The following CHCHD6 variants were observed in gnomAD, a reference collection of about 807,000 sequenced individuals.
The protein encoded by CHCHD6 is coiled-coil-helix-coiled-coil-helix domain containing 6.
Under a neutral mutation model 32.3 loss-of-function variants are expected in CHCHD6, and 28 were observed. That is an observed-to-expected ratio of 0.87 (90% CI 0.64 to 1.19). The LOEUF (loss-of-function observed/expected upper bound fraction) is 1.19, where lower values mean the gene tolerates loss of function less well. CHCHD6 is among the 50% of genes most tolerant of loss of function. CHCHD6 has a pLI of 0.00. For synonymous variants in CHCHD6, 122 were observed against 117.5 expected (o/e 1.04, Z -0.25); for missense variants, 333 against 307.0 (o/e 1.08, Z -0.63).
chr3:126,817,532 G>A (rs2107534630), intron 4 of CHCHD6, among the ~76,000 whole-genome samples: 1 of 152,228 alleles, frequency 6.6e-6, no homozygotes, highest in East Asian at 1.9e-4. Context: ...TGTGGCCCTG[G>A]CCTTTGCCTG....
chr3:126,773,609 T>TTC (rs1937583478), intron 4 of CHCHD6, among the ~76,000 whole-genome samples: 1 of 145,702 alleles, frequency 6.9e-6, no homozygotes, highest in African/African-American at 2.5e-5. Context: ...TTTCTTTTTT[T>TTC]TTTTTTTTTT....
chr3:126,858,023 C>T (rs190804066), intron 5 of CHCHD6, among the ~76,000 whole-genome samples: 15 of 152,276 alleles, frequency 9.9e-5, no homozygotes, highest in East Asian at 1.9e-4. Flanking sequence ...GTGTCATTCA[C>T]GATAGCCCTG....
chr3:126,799,757 C>T (rs892749998), intron 4 of CHCHD6, among the ~76,000 whole-genome samples: 1 of 152,124 alleles, frequency 6.6e-6, no homozygotes, highest in Non-Finnish European at 1.5e-5. Flanking sequence ...TCTAACAGAA[C>T]AGCAAAAAGA....
chr3:126,750,958 G>A lies in CHCHD6; in HGVS notation c.411+17736G>A, dbSNP rs574629749. On this transcript the variant is annotated intron_variant, in intron 4 of 7. Coordinates refer to ENST00000290913, the MANE Select transcript of CHCHD6 (RefSeq NM_032343.3). ...GCTGAGCAAGGGCAGTTGGTGCCCC[G>A]TGCTGACCCCAGCACAACATCTTGA... Among the ~76,000 whole-genome samples the A allele has an allele frequency of 2.6e-5, 4 of 152,318 alleles. No individual in the cohort carries two copies. The South Asian group carries it at 6.2e-4, about 24-fold the overall frequency.
At chr3:126,797,902 C>G (rs1044406560) in intron 4 of CHCHD6, among the ~76,000 whole-genome samples, 1 of 152,184 alleles carries the variant, frequency 6.6e-6, no homozygotes, top group Non-Finnish European at 1.5e-5. Flanking sequence ...CAGGGCGCCT[C>G]CGTGCCAGTG....
intron 5 of CHCHD6, among the ~76,000 whole-genome samples, chr3:126,881,818 A>G (rs552963578): frequency 6.6e-6 from 1 of 152,370 alleles, no homozygotes; most frequent in African/African-American, 2.4e-5. Flanking sequence ...CTCTGACAAA[A>G]GAAAGAACGA....
intron 5 of CHCHD6, among the ~76,000 whole-genome samples, chr3:126,901,352 A>G (rs927942091): frequency 6.6e-6 from 1 of 152,188 alleles, no homozygotes; most frequent in African/African-American, 2.4e-5. Flanking sequence ...AGTTTCACTC[A>G]TCCTGACTGG....
intron 5 of CHCHD6, among the ~76,000 whole-genome samples, chr3:126,899,787 A>G (rs1204031594): frequency 6.6e-6 from 1 of 152,236 alleles, no homozygotes; most frequent in African/African-American, 2.4e-5. Context: ...GCCGAGAGGA[A>G]AACCATGCTT....
chr3:126,704,550 C>G (rs2107647093), intron 1 of CHCHD6, 151 bp downstream of exon 1: 2 of 477,418 alleles, frequency 4.2e-6, no homozygotes, highest in East Asian at 7.6e-5. Context: ...GAGGCTGAGC[C>G]GAGACGCGAG....
chr3:126,858,017 C>G (rs1406161433), intron 5 of CHCHD6, among the ~76,000 whole-genome samples: 1 of 152,188 alleles, frequency 6.6e-6, no homozygotes, highest in Non-Finnish European at 1.5e-5. Flanking sequence ...ATGGTAGTGT[C>G]ATTCACGATA....
At position 126,914,722 on chromosome 3, in the gene CHCHD6, G is replaced by T. The variant is rs1298537560; in HGVS notation, c.538G>T (p.Ala180Ser). The T allele has an allele frequency of 6.3e-7, 1 of 1,594,950 alleles. No individual in the cohort carries two copies. The highest frequency in any genetic ancestry group is 1.3e-5 in the African/African-American group (1 of 74,546). ...ACTGTCTTCAGAGCAATTCCATGAG[G>T]CAGCCTCAAAGATGGAGAGCACAAT... ...YKLSSEQFHEAASKMESTIKP... is the reference protein window; with the variant it reads ...YKLSSEQFHESASKMESTIKP... Residue 180 changes from alanine to serine, a missense_variant, in exon 6 of 8, where the codon GCA (alanine) becomes TCA (serine). Coordinates refer to ENST00000290913, the MANE Select transcript of CHCHD6 (RefSeq NM_032343.3).
Position 126,909,807 on chromosome 3 carries a change from G to A in CHCHD6, c.496-4873G>A, listed in dbSNP as rs552829867. ...TTAATGTGTGAGAATTCGGTAGAGC[G>A]CACTTCAGAGAAGTTTCCCAGTGTC... On this transcript the variant is annotated intron_variant, in intron 5 of 7. Transcript: ENST00000290913. Among the ~76,000 whole-genome samples the A allele has an allele frequency of 6.8e-4, 103 of 152,244 alleles. 1 individual carries two copies. The highest frequency in any genetic ancestry group is 1.2e-3 in the Non-Finnish European group (85 of 68,012).
chr3:126,738,135 A>G (rs1936129644), intron 4 of CHCHD6, among the ~76,000 whole-genome samples: 1 of 152,016 alleles, frequency 6.6e-6, no homozygotes, highest in African/African-American at 2.4e-5. Flanking sequence ...ATCTCTTACT[A>G]TTTCATTCTC....
chr3:126,846,646 T>A (rs960145960), intron 4 of CHCHD6, among the ~76,000 whole-genome samples: 6 of 152,238 alleles, frequency 3.9e-5, no homozygotes, highest in Non-Finnish European at 8.8e-5. Context: ...GATAGTTTTA[T>A]CACTCTGTGG....
intron 5 of CHCHD6, among the ~76,000 whole-genome samples, chr3:126,856,149 A>G (rs1390536190): frequency 6.6e-6 from 1 of 152,146 alleles, no homozygotes; most frequent in Non-Finnish European, 1.5e-5. Flanking sequence ...CAAACAAAAA[A>G]AATCACAAAA....
intron 6 of CHCHD6, among the ~76,000 whole-genome samples, chr3:126,951,117 A>G (rs532519151): frequency 4.6e-5 from 7 of 152,148 alleles, no homozygotes; most frequent in Non-Finnish European, 1.0e-4. Flanking sequence ...GGCTGTTCTC[A>G]TGATGGTGAG....
At chr3:126,927,949 G>T (rs1206304203) in intron 6 of CHCHD6, among the ~76,000 whole-genome samples, 1 of 152,196 alleles carries the variant, frequency 6.6e-6, no homozygotes, top group African/African-American at 2.4e-5. Context: ...CTTTCCATCC[G>T]CAAGGCAGAG....
intron 4 of CHCHD6, among the ~76,000 whole-genome samples, chr3:126,773,602 CTTTTTTTTTTTTTT>C (rs769256372): frequency 3.3e-5 from 3 of 89,948 alleles, no homozygotes; most frequent in Admixed American, 1.3e-4. Context: ...TTCTGCTTTT[CTTTTTTTTTTTTTT>C]TTTTTTTTTT....
chr3:126,748,646 A>G (rs1361535653), intron 4 of CHCHD6, among the ~76,000 whole-genome samples: 2 of 152,044 alleles, frequency 1.3e-5, no homozygotes, highest in African/African-American at 2.4e-5. Flanking sequence ...CTTCTTTCCA[A>G]CAAATCTGAT....
Sources: allele counts gnomAD v4.1 joint callset (sites outside exome capture counted in the v4.1 genomes callset), GRCh38; gene constraint gnomAD v4.1.1; transcripts MANE v1.5; gene names NCBI Gene and HGNC (gene_info 2026-07-23, HGNC 2026-07-21).